The following BAZ1A variants were observed in gnomAD, a reference collection of about 807,000 sequenced individuals.
The protein encoded by BAZ1A is bromodomain adjacent to zinc finger domain 1A.
Under a neutral mutation model 185.2 loss-of-function variants are expected in BAZ1A, and 50 were observed. The ratio of observed to expected loss-of-function variants is 0.27; its 90% CI spans 0.22 to 0.34. The LOEUF is 0.34. Among genes scored for constraint, BAZ1A ranks in the 10% least tolerant of loss-of-function variants. The pLI, the probability that BAZ1A is intolerant of heterozygous loss-of-function variation, is 1.00. For synonymous variants in BAZ1A, 571 were observed against 615.6 expected (o/e 0.93, Z 1.07); for missense variants, 1,356 against 1,839.9 (o/e 0.74, Z 4.81).
At chr14:34,860,592 A>C (rs1233368275) in intron 3 of BAZ1A, among the ~76,000 whole-genome samples, 1 of 151,928 alleles carries the variant, frequency 6.6e-6, no homozygotes, top group Non-Finnish European at 1.5e-5. Flanking sequence ...CACAATAAAA[A>C]GAATAGCCAA....
intron 4 of BAZ1A, among the ~76,000 whole-genome samples, chr14:34,822,692 C>T (rs987450382): frequency 2.6e-5 from 4 of 152,004 alleles, no homozygotes; most frequent in Non-Finnish European, 1.5e-5. Context: ...TCCAAGTATC[C>T]GTATACAAGG....
intron 7 of BAZ1A, among the ~76,000 whole-genome samples, 170 bp downstream of exon 7, chr14:34,802,684 C>A (rs1189938960): frequency 6.6e-6 from 1 of 152,206 alleles, no homozygotes; most frequent in East Asian, 1.9e-4. Context: ...CTTCTACAAG[C>A]CTCATTGCTG....
chr14:34,864,016 T>C (rs2042814172), intron 2 of BAZ1A, among the ~76,000 whole-genome samples: 1 of 151,580 alleles, frequency 6.6e-6, no homozygotes, highest in African/African-American at 2.4e-5. Context: ...AGAGATGGGG[T>C]CTCACTATGT....
At chr14:34,763,614 A>AT (rs939376667) in intron 23 of BAZ1A, among the ~76,000 whole-genome samples, 18 of 151,458 alleles carry the variant, frequency 1.2e-4, no homozygotes, top group East Asian at 1.2e-3. Context: ...TACAATTATA[A>AT]TTTTTTTTTA....
chr14:34,841,196 G>A (rs1229880610), intron 3 of BAZ1A, among the ~76,000 whole-genome samples: 1 of 152,100 alleles, frequency 6.6e-6, no homozygotes, highest in African/African-American at 2.4e-5. Flanking sequence ...ATTGTTAACT[G>A]ACTCACTAAC....
intron 12 of BAZ1A, chr14:34,786,511 G>A: frequency 4.2e-6 from 1 of 237,042 alleles, no homozygotes; most frequent in Non-Finnish European, 8.0e-6. Context: ...ATGCACTTTA[G>A]AATTAAAAAC....
At chr14:34,768,550 G>A (rs1158387492) in intron 21 of BAZ1A, 2 of 263,622 alleles carry the variant, frequency 7.6e-6, no homozygotes, top group Non-Finnish European at 1.5e-5. Context: ...TTACCCCCAA[G>A]TCCATTCCCT....
Position 34,862,246 on chromosome 14 carries a change from A to G in BAZ1A, c.190T>C (p.Tyr64His), listed in dbSNP as rs377410414. The G allele has an allele frequency of 1.1e-5, 17 of 1,614,146 alleles. No homozygotes were observed. The highest frequency in any genetic ancestry group is 1.4e-5 in the Non-Finnish European group (16 of 1,180,032). ...CAVTGRPGLT[Y>H]QEALESEKKA... ...TTTTCTGACTCAAGTGCTTCCTGAT[A>G]CGTCAGTCCAGGTCTACCCGTCACA... Residue 64 changes from tyrosine (Y) to histidine (H), a missense_variant, in exon 3 of 27, where the codon TAT becomes CAT. Tyr to His is a moderately conservative substitution (Grantham distance 83). Around this residue, in one of 7 missense-constraint regions of BAZ1A, gnomAD observed 332 missense variants for 395.3 expected, o/e 0.84. Coordinates refer to ENST00000360310, the MANE Select transcript of BAZ1A (RefSeq NM_013448.3).
chr14:34,801,009 C>A, intron 8 of BAZ1A, 85 bp downstream of exon 8: 1 of 899,996 alleles, frequency 1.1e-6, no homozygotes. Context: ...AGAAACATGC[C>A]ATTTCGGAAA....
At chr14:34,834,561 A>G (rs556504713) in intron 3 of BAZ1A, among the ~76,000 whole-genome samples, 49 of 152,370 alleles carry the variant, frequency 3.2e-4, no homozygotes, top group Admixed American at 1.3e-3. Context: ...ATTGCCCAGA[A>G]GTAAATTATA....
At chr14:34,781,943 G>C (rs76124700) in intron 16 of BAZ1A, among the ~76,000 whole-genome samples, 8,986 of 152,216 alleles carry the variant, frequency 0.059, 466 homozygotes, top group Admixed American at 0.17. Context: ...TTCATCAATT[G>C]ATGGACATTT....
At chr14:34,772,223 G>A (rs1043292780) in intron 20 of BAZ1A, among the ~76,000 whole-genome samples, 4 of 152,054 alleles carry the variant, frequency 2.6e-5, no homozygotes, top group African/African-American at 9.7e-5. Flanking sequence ...CAAAGTGCTG[G>A]GATTACAGGT....
intron 3 of BAZ1A, among the ~76,000 whole-genome samples, chr14:34,830,174 C>T (rs896017728): frequency 1.3e-5 from 2 of 152,054 alleles, no homozygotes; most frequent in Non-Finnish European, 2.9e-5. Context: ...CATATGTCCA[C>T]ACAAACTTGT....
At chr14:34,861,934 G>C in intron 3 of BAZ1A, 110 bp downstream of exon 3, 1 of 1,261,578 alleles carries the variant, frequency 7.9e-7, no homozygotes, top group African/African-American at 1.5e-5. Flanking sequence ...TAACAGAATA[G>C]CTAGAGCATA....
chr14:34,868,042 C>T lies in BAZ1A; in HGVS notation c.114-5720G>A, dbSNP rs531738139. ...ATATGAATGTAAATTTAGGCTAATA[C>T]AGGTTATTAATGTCAGATTTATGAC... On this transcript the variant is annotated intron_variant, in intron 2 of 26. Transcript: ENST00000360310. Among the ~76,000 whole-genome samples, 9 of 152,256 alleles carry T rather than the reference C, an allele frequency of 5.9e-5. No homozygotes were observed. The South Asian group carries it at 1.9e-3, about 32-fold the overall frequency.
Position 34,771,610 on chromosome 14 carries a change from T to A in BAZ1A, c.3202A>T (p.Ser1068Cys), listed in dbSNP as rs752117543. The A allele has an allele frequency of 1.9e-6, 3 of 1,614,178 alleles. No homozygotes were observed. The South Asian group carries it at 3.3e-5, about 18-fold the overall frequency. ...ETPSTVSTNA[S>C]TPQSVSSVVH... ...ACACTGCTCACTGATTGTGGTGTAC[T>A]TGCATTTGTTGATACAGTACTTGGA... is the stretch of plus-strand genomic sequence containing the variant. The change falls in exon 21 of 27, where the codon AGT (serine) becomes TGT (cysteine). Residue 1068 changes from serine (S) to cysteine (C), a missense_variant. Around this residue, in one of 7 missense-constraint regions of BAZ1A, gnomAD observed 434 missense variants for 561.7 expected, o/e 0.77. Coordinates refer to ENST00000360310, the MANE Select transcript of BAZ1A (RefSeq NM_013448.3).
At chr14:34,793,931 G>A (rs1881025731) in intron 11 of BAZ1A, among the ~76,000 whole-genome samples, 1 of 148,896 alleles carries the variant, frequency 6.7e-6, no homozygotes, top group African/African-American at 2.5e-5. Context: ...GACAGAGCGA[G>A]ACTCCGTCTC....
chr14:34,769,538 C>T (rs1007209023), intron 21 of BAZ1A, among the ~76,000 whole-genome samples: 2 of 151,904 alleles, frequency 1.3e-5, no homozygotes, highest in South Asian at 4.1e-4. Flanking sequence ...TCAATGTTAA[C>T]CTTTTTCTTT....
chr14:34,820,122 G>GTTTTTTT (rs59706713), intron 4 of BAZ1A, among the ~76,000 whole-genome samples: 22 of 80,640 alleles, frequency 2.7e-4, no homozygotes, highest in East Asian at 3.6e-4. Context: ...TGGGTTCCTC[G>GTTTTTTT]TTTTTTTTTT....
Sources: gnomAD v4.1 joint callset for allele counts (sites outside exome capture counted in the v4.1 genomes callset) on GRCh38, gnomAD v4.1.1 for gene constraint, gnomAD v4.1.1 regional missense constraint, MANE v1.5 for transcripts, NCBI Gene and HGNC (gene_info 2026-07-23, HGNC 2026-07-21) for gene names.